Variants in NRXN1 observed in about 807,000 individuals in gnomAD.
NRXN1 encodes neurexin 1.
In NRXN1, 39 loss-of-function variants were observed where a neutral mutation model predicts 150.9. The observed-to-expected ratio is 0.26, with a 90% CI of 0.20 to 0.34. The LOEUF is 0.34. Among genes scored for constraint, NRXN1 ranks in the 10% least tolerant of loss-of-function variants. NRXN1 has a pLI of 1.00. For missense variants in NRXN1, 1,815 were observed against 1,949.9 expected (o/e 0.93, Z 1.30); for synonymous variants, 924 against 757.0 (o/e 1.22, Z -3.62).
rs140798143 is a variant in NRXN1, at chr2:50,930,787, T to C, written c.773-4832A>G. On this transcript the variant is annotated intron_variant, in intron 2 of 22. Coordinates refer to ENST00000401669, the MANE Select transcript of NRXN1 (RefSeq NM_001330078.2). The stretch of plus-strand genomic sequence containing the variant: ...TTATTGCTGAGAAATGAATGCTTCC[T>C]GATACGGAATTGACAGACAACACTG... 3.9e-5 allele frequency among the ~76,000 whole-genome samples: 6 copies of C among 152,268 alleles called. No homozygotes were observed. In the East Asian group the frequency reaches 1.2e-3, roughly 29 times the overall value.
intron 10 of NRXN1, among the ~76,000 whole-genome samples, chr2:50,532,983 C>A (rs1279198359): frequency 6.6e-6 from 1 of 152,074 alleles, no homozygotes; most frequent in African/African-American, 2.4e-5. Flanking sequence ...CACAGCATAG[C>A]AATTAAGTGT....
chr2:50,687,918 T>C (rs1005254353), intron 5 of NRXN1, among the ~76,000 whole-genome samples: 1 of 152,086 alleles, frequency 6.6e-6, no homozygotes, highest in Non-Finnish European at 1.5e-5. Flanking sequence ...ACTGTGGAGA[T>C]CAAACTCTTC....
At chr2:50,591,082 A>T (rs1674111610) in intron 8 of NRXN1, among the ~76,000 whole-genome samples, 1 of 152,202 alleles carries the variant, frequency 6.6e-6, no homozygotes, top group African/African-American at 2.4e-5. Context: ...AGAAAAAAGA[A>T]AGTGCCCACA....
chr2:50,433,075 G>A (rs1479708044), intron 17 of NRXN1, among the ~76,000 whole-genome samples: 1 of 152,148 alleles, frequency 6.6e-6, no homozygotes, highest in Non-Finnish European at 1.5e-5. Context: ...ACCCTTCATT[G>A]CCAGAAACAA....
At chr2:50,351,151 A>T (rs145862037) in intron 17 of NRXN1, among the ~76,000 whole-genome samples, 2 of 152,290 alleles carry the variant, frequency 1.3e-5, no homozygotes, top group Non-Finnish European at 2.9e-5. Flanking sequence ...TATCTAAGGG[A>T]AACTGAGGCA....
At chr2:50,682,706 G>A (rs905438005) in intron 5 of NRXN1, among the ~76,000 whole-genome samples, 1 of 152,082 alleles carries the variant, frequency 6.6e-6, no homozygotes, top group African/African-American at 2.4e-5. Flanking sequence ...GCAATTTTTA[G>A]TAGCTGATAT....
At chr2:50,959,293 T>C (rs943772523) in intron 2 of NRXN1, among the ~76,000 whole-genome samples, 5 of 152,060 alleles carry the variant, frequency 3.3e-5, no homozygotes, top group African/African-American at 9.7e-5. Flanking sequence ...TATGTTCACA[T>C]AAAAACTTGC....
chr2:50,351,530 G>A (rs1364919617), intron 17 of NRXN1, among the ~76,000 whole-genome samples: 2 of 152,192 alleles, frequency 1.3e-5, no homozygotes, highest in East Asian at 3.9e-4. Context: ...TTATTAATAG[G>A]CAAGATGCGT....
Position 50,580,661 on chromosome 2 carries a change from G to T in NRXN1, c.1321-27636C>A, listed in dbSNP as rs377232444. 1.5e-4 allele frequency among the ~76,000 whole-genome samples: 23 copies of T among 152,248 alleles called. No individual in the cohort carries two copies. In the South Asian group the frequency reaches 4.6e-3, roughly 30 times the overall value. Reference sequence around the variant, plus strand: ...GTAGAGGGGTATATGCTGGACAAAAGACTACTCAACCCAGTAGTCAACACA... The same window carrying T: ...GTAGAGGGGTATATGCTGGACAAAATACTACTCAACCCAGTAGTCAACACA... On this transcript the variant is annotated intron_variant, in intron 8 of 22. Transcript: ENST00000401669.
rs191484884 is a variant in NRXN1, at chr2:50,546,741, C to A, written c.1759+5846G>T. 3.9e-5 allele frequency among the ~76,000 whole-genome samples: 6 copies of A among 152,188 alleles called. No individual in the cohort carries two copies. The East Asian group carries it at 1.2e-3, about 29-fold the overall frequency. On this transcript the variant is annotated intron_variant, in intron 9 of 22. Coordinates refer to ENST00000401669, the MANE Select transcript of NRXN1 (RefSeq NM_001330078.2). The stretch of plus-strand genomic sequence containing the variant: ...TTAAGCAAAATTGACCCCATCTGGT[C>A]ATATGATCAAAGAACTAGTAAATTA...
intron 1 of NRXN1, among the ~76,000 whole-genome samples, chr2:51,029,742 G>C (rs916599467): frequency 6.6e-6 from 1 of 152,154 alleles, no homozygotes; most frequent in Non-Finnish European, 1.5e-5. Context: ...TTTCACACAA[G>C]TATAGTTCTC....
intron 17 of NRXN1, among the ~76,000 whole-genome samples, chr2:50,315,679 TA>T (rs2075543047): frequency 6.6e-6 from 1 of 152,124 alleles, no homozygotes; most frequent in Admixed American, 6.6e-5. Flanking sequence ...CTCATAGAAT[TA>T]ATGTTATAAA....
At chr2:50,745,029 T>C (rs1699848275) in intron 5 of NRXN1, among the ~76,000 whole-genome samples, 1 of 152,136 alleles carries the variant, frequency 6.6e-6, no homozygotes, top group African/African-American at 2.4e-5. Flanking sequence ...CAACTGAGCA[T>C]GCGGCTGGAA....
intron 5 of NRXN1, among the ~76,000 whole-genome samples, chr2:50,828,405 G>C (rs541083100): frequency 6.7e-6 from 1 of 148,822 alleles, no homozygotes; most frequent in Non-Finnish European, 1.5e-5. Context: ...GGTGGCTGCC[G>C]GGCGGAGGGG....
chr2:50,585,221 TG>T (rs1467170652), intron 8 of NRXN1, among the ~76,000 whole-genome samples: 1 of 152,012 alleles, frequency 6.6e-6, no homozygotes, highest in African/African-American at 2.4e-5. Context: ...TTTCTTCACA[TG>T]TAAGACCGGG....
chr2:50,455,984 A>G (rs1457226767), intron 17 of NRXN1, among the ~76,000 whole-genome samples: 1 of 152,210 alleles, frequency 6.6e-6, no homozygotes, highest in African/African-American at 2.4e-5. Flanking sequence ...GAACTGCCAA[A>G]TATCAAAATA....
chr2:50,233,621 A>G (rs1574642007), intron 18 of NRXN1, among the ~76,000 whole-genome samples: 1 of 152,122 alleles, frequency 6.6e-6, no homozygotes, highest in Non-Finnish European at 1.5e-5. Context: ...TGATCAGTAC[A>G]TAGTATACTT....
intron 21 of NRXN1, among the ~76,000 whole-genome samples, chr2:49,944,519 C>T (rs1008468739): frequency 6.6e-6 from 1 of 152,078 alleles, no homozygotes; most frequent in African/African-American, 2.4e-5. Flanking sequence ...CTAGTTGCTT[C>T]ATTGCGCTTA....
At chr2:50,998,709 A>T (rs1164980055) in intron 2 of NRXN1, among the ~76,000 whole-genome samples, 2 of 152,078 alleles carry the variant, frequency 1.3e-5, no homozygotes, top group African/African-American at 4.8e-5. Flanking sequence ...TATTGATGAC[A>T]GAAACATTTT....
Sources: gnomAD v4.1 joint callset for allele counts (sites outside exome capture counted in the v4.1 genomes callset) on GRCh38, gnomAD v4.1.1 for gene constraint, MANE v1.5 for transcripts, NCBI Gene and HGNC (gene_info 2026-07-23, HGNC 2026-07-21) for gene names.